Variants in FXR1 observed in about 807,000 individuals in gnomAD.
The protein encoded by FXR1 is RNA-binding protein FXR1.
In FXR1, 15 loss-of-function variants were observed where a neutral mutation model predicts 84.0. The ratio of observed to expected loss-of-function variants is 0.18; its 90% CI spans 0.12 to 0.27. The LOEUF (loss-of-function observed/expected upper bound fraction) is 0.27, where lower values mean the gene tolerates loss of function less well. FXR1 is among the 10% of genes least tolerant of loss of function. FXR1 has a pLI of 1.00. For synonymous variants in FXR1, 245 were observed against 250.7 expected (o/e 0.98, Z 0.21); for missense variants, 480 against 774.4 (o/e 0.62, Z 4.51).
At position 180,979,473 on chromosome 3, in the gene FXR1, T is replaced by C. The variant is rs1169373122; in HGVS notation, c.*3181T>C. 1 of 152,114 alleles carries C rather than the reference T, an allele frequency of 6.6e-6. No homozygotes were observed. The highest frequency in any genetic ancestry group is 1.5e-5 in the Non-Finnish European group (1 of 67,976). 9.4% of individuals were successfully genotyped at this position (152,114 alleles called of 1,614,324 possible). A position where few individuals can be genotyped will look rare whatever the true frequency, so the allele number is the denominator to read the frequency against. ...GTTTGTTACTGTCTCAGTCTTCCTG[T>C]CTTTGCTACACGATTTGGATCCCTT... On this transcript the variant is annotated 3_prime_UTR_variant, in exon 17 of 17. Coordinates refer to ENST00000357559, the MANE Select transcript of FXR1 (RefSeq NM_005087.4).
rs56345724 is a variant in FXR1 at position 180,970,383 on chromosome 3, AATATATATATATATATATATAT to A, written c.1603+43_1603+64del. On this transcript the variant is annotated intron_variant, in intron 15 of 16. Coordinates refer to ENST00000357559, the MANE Select transcript of FXR1 (RefSeq NM_005087.4). Reference sequence around the variant, plus strand: ...GGTATGTAAGCACTTAGGGAAGAGAAATATATATATATATATATATATATATATATATATATATAATTGTAAA... The same window carrying A: ...GGTATGTAAGCACTTAGGGAAGAGAAATATATATATATATATAATTGTAAA... 362 of 368,172 alleles carry A rather than the reference AATATATATATATATATATATAT, an allele frequency of 9.8e-4. 20 individuals are homozygous for A. The highest frequency in any genetic ancestry group is 6.7e-3 in the Middle Eastern group (7 of 1,038). The allele number at this position is 368,172 out of a possible 1,614,324, so 22.8% of individuals were successfully genotyped here.
At chr3:180,925,582 A>G (rs957991034) in intron 1 of FXR1, among the ~76,000 whole-genome samples, 8 of 152,168 alleles carry the variant, frequency 5.3e-5, no homozygotes, top group Non-Finnish European at 8.8e-5. Flanking sequence ...GAAAATCGCA[A>G]GCAAACCAAG....
intron 1 of FXR1, 147 bp downstream of exon 1, chr3:180,912,883 T>G: frequency 7.0e-7 from 1 of 1,435,676 alleles, no homozygotes; most frequent in Non-Finnish European, 9.7e-7. Context: ...TTCTCCCCCC[T>G]CCACCCGCGG....
At chr3:180,966,446 T>C (rs1712841904) in intron 13 of FXR1, among the ~76,000 whole-genome samples, 1 of 152,210 alleles carries the variant, frequency 6.6e-6, no homozygotes, top group African/African-American at 2.4e-5. Flanking sequence ...TACTTAAAAC[T>C]TCTTATGTCT....
chr3:180,966,684 AG>A (rs1286590463), intron 13 of FXR1, among the ~76,000 whole-genome samples: 8 of 152,186 alleles, frequency 5.3e-5, no homozygotes, highest in Non-Finnish European at 7.4e-5. Context: ...GTAATTCCAC[AG>A]GGGGAAAAAA....
At chr3:180,936,006 C>G (rs1720482980) in intron 3 of FXR1, among the ~76,000 whole-genome samples, 1 of 152,158 alleles carries the variant, frequency 6.6e-6, no homozygotes, top group African/African-American at 2.4e-5. Flanking sequence ...ATTCACCTGC[C>G]TCAGCCTCCT....
intron 10 of FXR1, among the ~76,000 whole-genome samples, chr3:180,960,230 C>T (rs1231109478): frequency 2.0e-5 from 3 of 152,186 alleles, no homozygotes; most frequent in African/African-American, 2.4e-5. Flanking sequence ...AATACCTCTA[C>T]GTATCTTAAT....
chr3:180,926,616 GGTGTAAATCTTCGATTTTTTGGTTCTGGA>G lies in FXR1; in HGVS notation c.52-6717_52-6689del, dbSNP rs1289277423. Among the ~76,000 whole-genome samples the G allele has an allele frequency of 1.5e-3, 231 of 151,090 alleles. 2 individuals are homozygous for G. The highest frequency in any genetic ancestry group is 5.5e-3 in the African/African-American group (225 of 41,218). On this transcript the variant is annotated intron_variant, in intron 1 of 16. Transcript: ENST00000357559. The stretch of plus-strand genomic sequence containing the variant: ...TGAAATATGAGAGTTACACTTTTAG[GGTGTAAATCTTCGATTTTTTGGTTCTGGA>G]CTTGCATTTTAAAACTTCGGATTCA...
intron 7 of FXR1, among the ~76,000 whole-genome samples, chr3:180,950,411 T>C (rs1722111094): frequency 6.6e-6 from 1 of 152,236 alleles, no homozygotes; most frequent in Admixed American, 6.5e-5. Context: ...GTTTCCTTTG[T>C]TTCTTAAGAA....
In FXR1 at chr3:180,935,151, C is replaced by T. The variant is rs1720375703; in HGVS notation, c.118C>T (p.Arg40Cys). The T allele has an allele frequency of 1.9e-6, 3 of 1,566,814 alleles. No individual in the cohort carries two copies. The highest frequency in any genetic ancestry group is 2.6e-6 in the Non-Finnish European group (3 of 1,138,322). ...CTAATCCTTCAGTTGGCAACCAGAA[C>T]GCCAGGTTCCATTTAATGAAGTTAG... The part of the protein sequence containing the change: ...VVFENNWQPE[R>C]QVPFNEVRLP... Residue 40 changes from arginine to cysteine, a missense_variant, in exon 3 of 17, where the codon CGC (arginine) becomes TGC (cysteine). Arg to Cys is a radical substitution (Grantham distance 180, BLOSUM62 -3). Coordinates refer to ENST00000357559, the MANE Select transcript of FXR1 (RefSeq NM_005087.4).
At chr3:180,912,871 G>C in intron 1 of FXR1, 135 bp downstream of exon 1, 1 of 1,507,900 alleles carries the variant, frequency 6.6e-7, no homozygotes, top group Non-Finnish European at 9.1e-7. Flanking sequence ...TGGATTCCTT[G>C]CTTCTCCCCC....
chr3:180,933,126 C>T (rs779008274), intron 1 of FXR1: 135 of 502,370 alleles, frequency 2.7e-4, no homozygotes, highest in Non-Finnish European at 4.3e-4. Context: ...GTAGATGACA[C>T]CGGGTGAAAA....
chr3:180,969,219 T>C (rs1359182146), intron 14 of FXR1, among the ~76,000 whole-genome samples: 2 of 152,224 alleles, frequency 1.3e-5, no homozygotes. Flanking sequence ...ATAGTTTTTA[T>C]ATTTTAGTAC....
At chr3:180,958,351 T>C (rs1016299033) in intron 10 of FXR1, among the ~76,000 whole-genome samples, 8 of 152,142 alleles carry the variant, frequency 5.3e-5, no homozygotes, top group Non-Finnish European at 1.0e-4. Flanking sequence ...CACTGTACAC[T>C]GTATCCAATA....
intron 13 of FXR1, among the ~76,000 whole-genome samples, chr3:180,966,347 A>C (rs949313405): frequency 6.6e-6 from 1 of 152,196 alleles, no homozygotes; most frequent in Admixed American, 6.5e-5. Context: ...TGTAGAGAAA[A>C]GGTAGGCATC....
chr3:180,941,360 T>G (rs1051038399), intron 3 of FXR1, among the ~76,000 whole-genome samples: 1 of 151,944 alleles, frequency 6.6e-6, no homozygotes, highest in Non-Finnish European at 1.5e-5. Flanking sequence ...GCTGGGCTAA[T>G]TTTTGTATTT....
chr3:180,948,876 C>A, intron 6 of FXR1, 62 bp downstream of exon 6: 2 of 806,748 alleles, frequency 2.5e-6, no homozygotes, highest in Non-Finnish European at 2.1e-6. Flanking sequence ...TTTATAATTA[C>A]ATATTTCAGA....
In FXR1 at chr3:180,944,315, C is replaced by T. The variant is rs921571368; in HGVS notation, c.199-3550C>T. On this transcript the variant is annotated intron_variant, in intron 3 of 16. Transcript: ENST00000357559. ...AGAAAGAATGAAAGGGTAGTAAGGT[C>T]GTTATTGGACCTTTTTTTTTTTTGA... 2.7e-5 allele frequency among the ~76,000 whole-genome samples: 4 copies of T among 146,982 alleles called. No homozygotes were observed. The South Asian group carries it at 6.5e-4, about 24-fold the overall frequency.
chr3:180,939,000 A>G (rs921720634), intron 3 of FXR1, among the ~76,000 whole-genome samples: 2 of 151,438 alleles, frequency 1.3e-5, no homozygotes, highest in African/African-American at 4.9e-5. Context: ...ATTTTAAGTG[A>G]TTGTCGTGCC....
Sources: allele counts gnomAD v4.1 joint callset (sites outside exome capture counted in the v4.1 genomes callset), GRCh38; gene constraint gnomAD v4.1.1; transcripts MANE v1.5; gene names NCBI Gene and HGNC (gene_info 2026-07-23, HGNC 2026-07-21).